UBE4B: variants seen among roughly 807,000 people sequenced by gnomAD.
UBE4B encodes ubiquitination factor E4B, also known as ubiquitin conjugation factor E4 B.
A neutral mutation model predicts 148.1 loss-of-function variants in UBE4B; 27 were observed. That is an observed-to-expected ratio of 0.18 (90% CI 0.13 to 0.25). The LOEUF is 0.25. Among genes scored for constraint, UBE4B ranks in the 10% least tolerant of loss-of-function variants. The pLI is 1.00. For missense variants in UBE4B, 1,170 were observed against 1,662.4 expected (o/e 0.70, Z 5.15); for synonymous variants, 596 against 619.3 (o/e 0.96, Z 0.56).
intron 7 of UBE4B, among the ~76,000 whole-genome samples, chr1:10,110,364 G>C (rs1259571397): frequency 6.6e-6 from 1 of 152,118 alleles, no homozygotes; most frequent in Non-Finnish European, 1.5e-5. Flanking sequence ...CTTTTTGCGC[G>C]AGTGGCATAA....
intron 17 of UBE4B, among the ~76,000 whole-genome samples, chr1:10,142,621 A>T (rs972875682): frequency 9.2e-5 from 14 of 152,006 alleles, no homozygotes; most frequent in African/African-American, 3.4e-4. Context: ...CAGTGAGCTG[A>T]GATTGCGCCA....
intron 7 of UBE4B, among the ~76,000 whole-genome samples, chr1:10,113,554 G>T (rs1008208757): frequency 1.3e-5 from 2 of 152,230 alleles, no homozygotes; most frequent in Non-Finnish European, 2.9e-5. Context: ...ATGTGTGAGT[G>T]CACGGTTTGT....
chr1:10,105,101 T>C (rs981753040), intron 5 of UBE4B, among the ~76,000 whole-genome samples: 15 of 152,206 alleles, frequency 9.9e-5, no homozygotes, highest in Non-Finnish European at 1.8e-4. Flanking sequence ...CTAAGAAATA[T>C]TAACCCAGTT....
At chr1:10,068,949 A>G (rs927673407) in intron 1 of UBE4B, among the ~76,000 whole-genome samples, 1 of 152,128 alleles carries the variant, frequency 6.6e-6, no homozygotes, top group Admixed American at 6.5e-5. Context: ...TATTCTCCCA[A>G]TCTTCTCCTA....
chr1:10,117,734 A>G, intron 8 of UBE4B, 134 bp downstream of exon 8: 1 of 1,112,308 alleles, frequency 9.0e-7, no homozygotes. Context: ...CAGGCACAAT[A>G]CTAGGAACTT....
At chr1:10,089,262 C>T (rs1644811037) in intron 2 of UBE4B, among the ~76,000 whole-genome samples, 1 of 152,190 alleles carries the variant, frequency 6.6e-6, no homozygotes, top group Non-Finnish European at 1.5e-5. Context: ...ACCTTAGCCT[C>T]CCAAAGTGCT....
At chr1:10,177,750 C>T (rs909841754) in intron 25 of UBE4B, among the ~76,000 whole-genome samples, 1 of 152,016 alleles carries the variant, frequency 6.6e-6, no homozygotes, top group Admixed American at 6.6e-5. Flanking sequence ...TATATCATCA[C>T]TAAGCAAGTG....
intron 7 of UBE4B, among the ~76,000 whole-genome samples, chr1:10,116,577 C>A (rs150230101): frequency 1.2e-4 from 18 of 152,060 alleles, no homozygotes; most frequent in Non-Finnish European, 7.3e-5. Context: ...ATATCAAATC[C>A]GTTTGTGAGT....
rs1375105613 is a variant in UBE4B, at chr1:10,035,296, CT to C, written c.24+1603del. 3.4e-4 allele frequency among the ~76,000 whole-genome samples: 51 copies of C among 150,590 alleles called. No individual in the cohort carries two copies. In the East Asian group the frequency reaches 5.8e-3, roughly 17 times the overall value. On this transcript the variant is annotated intron_variant, in intron 1 of 27. Coordinates refer to ENST00000343090, the MANE Select transcript of UBE4B (RefSeq NM_001105562.3). ...ACAGGCGTGAGCCACCGCGCCTGGC[CT>C]GTTTTATGTGGTTTTTTAAAAGTTT...
At chr1:10,038,575 G>T (rs533473877) in intron 1 of UBE4B, among the ~76,000 whole-genome samples, 1 of 152,324 alleles carries the variant, frequency 6.6e-6, no homozygotes, top group South Asian at 2.1e-4. Context: ...TTCAAACCCA[G>T]TGCTCTGGAC....
At chr1:10,086,189 T>C (rs528311266) in intron 2 of UBE4B, among the ~76,000 whole-genome samples, 1 of 152,266 alleles carries the variant, frequency 6.6e-6, no homozygotes, top group Non-Finnish European at 1.5e-5. Context: ...GCCAGGATGG[T>C]CTCGATCTCC....
At chr1:10,039,596 A>ATTT (rs34204373) in intron 1 of UBE4B, among the ~76,000 whole-genome samples, 1 of 137,592 alleles carries the variant, frequency 7.3e-6, no homozygotes, top group South Asian at 2.3e-4. Flanking sequence ...TGCCCTGCTG[A>ATTT]TTTTTTTTTT....
At chr1:10,087,101 G>A (rs1175651491) in intron 2 of UBE4B, among the ~76,000 whole-genome samples, 3 of 152,190 alleles carry the variant, frequency 2.0e-5, no homozygotes, top group Non-Finnish European at 4.4e-5. Flanking sequence ...CTCGTCTGAC[G>A]CATACAGGTG....
At chr1:10,163,763 T>TTTTTA (rs888821085) in intron 23 of UBE4B, among the ~76,000 whole-genome samples, 9 of 151,476 alleles carry the variant, frequency 5.9e-5, no homozygotes, top group East Asian at 1.9e-4. Flanking sequence ...ATTAAATTAT[T>TTTTTA]TTTTATTTTA....
chr1:10,149,446 C>T (rs996329368), intron 20 of UBE4B, among the ~76,000 whole-genome samples, 164 bp downstream of exon 20: 2 of 152,174 alleles, frequency 1.3e-5, no homozygotes, highest in Non-Finnish European at 2.9e-5. Flanking sequence ...ACTGTGGCAT[C>T]AGTCCAATTC....
At chr1:10,101,733 C>T (rs1030992531) in intron 4 of UBE4B, among the ~76,000 whole-genome samples, 3 of 152,038 alleles carry the variant, frequency 2.0e-5, no homozygotes, top group African/African-American at 7.2e-5. Context: ...TGGTCTTGAT[C>T]TATTGACCTT....
At chr1:10,096,877 A>T (rs1459442528) in intron 3 of UBE4B, among the ~76,000 whole-genome samples, 2 of 151,936 alleles carry the variant, frequency 1.3e-5, no homozygotes, top group Non-Finnish European at 2.9e-5. Flanking sequence ...CGTCTCTACT[A>T]AAAATACAAA....
In UBE4B at chr1:10,036,880, A is replaced by G. The variant is rs185861981; in HGVS notation, c.24+3186A>G. Among the ~76,000 whole-genome samples, 785 of 152,274 alleles carry G rather than the reference A, an allele frequency of 5.2e-3. 4 individuals are homozygous for G. Among genetic ancestry groups the G allele is most frequent in the Non-Finnish European group, 6.6e-3 (451 of 68,022 alleles). ...TTTAATCTAATTTAGGAAATTAGGT[A>G]AGGCAGAGTTTCATATTTTAACAAA... On this transcript the variant is annotated intron_variant, in intron 1 of 27. Coordinates refer to ENST00000343090, the MANE Select transcript of UBE4B (RefSeq NM_001105562.3).
chr1:10,129,302 T>C, intron 11 of UBE4B, 90 bp from the exon 12 acceptor site: 2 of 1,257,592 alleles, frequency 1.6e-6, no homozygotes, highest in Admixed American at 3.5e-5. Flanking sequence ...GGAACGAATT[T>C]ATAGCAGCAG....
Sources: allele counts gnomAD v4.1 joint callset (sites outside exome capture counted in the v4.1 genomes callset), GRCh38; gene constraint gnomAD v4.1.1; transcripts MANE v1.5; gene names NCBI Gene and HGNC (gene_info 2026-07-23, HGNC 2026-07-21).